The following ANK2 variants were observed in gnomAD, a reference collection of about 807,000 sequenced individuals.
ANK2 encodes the protein ankyrin 2.
In ANK2, 83 loss-of-function variants were observed where a neutral mutation model predicts 360.5. The observed-to-expected ratio is 0.23, with a 90% CI of 0.19 to 0.28. The LOEUF is 0.28. ANK2 is among the 10% of genes least tolerant of loss of function. The pLI is 1.00. For synonymous variants in ANK2, 1,740 were observed against 1,759.5 expected (o/e 0.99, Z 0.28); for missense variants, 4,201 against 4,795.7 (o/e 0.88, Z 3.66).
rs554153174 is a variant in ANK2, at chr4:113,293,484, C to T, written c.2421C>T (p.Ile807=). 1.6e-5 allele frequency: 26 copies of T among 1,613,902 alleles called. No individual in the cohort carries two copies. The South Asian group carries it at 2.5e-4, about 16-fold the overall frequency. The change falls in exon 22 of 46, where the codon ATC becomes ATT. Residue 807 remains isoleucine (I), a synonymous_variant. Transcript: ENST00000357077. ...ALAIAKRLGY[I]SVVDTLKVVT... ...CGATTGCTAAGCGTCTGGGCTACAT[C>T]TCCGTGGTCGACACCCTGAAGGTTG...
In ANK2 at chr4:113,240,598, A is replaced by G. The variant is rs375914552; in HGVS notation, c.792+15A>G. 289 of 1,586,402 alleles carry G rather than the reference A, an allele frequency of 1.8e-4. 1 individual carries two copies. In the Middle Eastern group the frequency reaches 3.5e-3, roughly 19 times the overall value. On this transcript the variant is annotated intron_variant, in intron 8 of 45. Transcript: ENST00000357077. Reference sequence around the variant, plus strand: ...TCACAGCCAGGGTATGGATTGAAATAGTTTCTCATTCTAGATAGCAGTAAA... The same window carrying G: ...TCACAGCCAGGGTATGGATTGAAATGGTTTCTCATTCTAGATAGCAGTAAA...
chr4:113,151,925 G>T (rs1173668259), intron 1 of ANK2, among the ~76,000 whole-genome samples: 1 of 150,312 alleles, frequency 6.7e-6, no homozygotes, highest in African/African-American at 2.4e-5. Flanking sequence ...AAAATTACTA[G>T]GTGTGCTGGC....
rs142601860 is a variant in ANK2 at position 113,153,169 on chromosome 4, G to A, written c.85-21247G>A. 5.2e-3 allele frequency among the ~76,000 whole-genome samples: 789 copies of A among 151,652 alleles called. 7 individuals carry two copies. Among genetic ancestry groups the A allele is most frequent in the African/African-American group, 0.018 (728 of 41,304 alleles). Reference sequence around the variant, plus strand: ...GGCTTTGAAGTAAATCATAGATTCTGTTTGATACTGTAGGAATTTCCATAT... The same window carrying A: ...GGCTTTGAAGTAAATCATAGATTCTATTTGATACTGTAGGAATTTCCATAT... On this transcript the variant is annotated intron_variant, in intron 1 of 45. Coordinates refer to ENST00000357077, the MANE Select transcript of ANK2 (RefSeq NM_001148.6).
chr4:112,787,620 T>C, the ANK2 span, among the ~76,000 whole-genome samples: 1 of 152,334 alleles, frequency 6.6e-6, no homozygotes, highest in African/African-American at 2.4e-5. Flanking sequence ...GTCCACTCCA[T>C]GGGTCAAGAC....
intron 2 of ANK2, among the ~76,000 whole-genome samples, chr4:113,035,101 T>C (rs1434269134): frequency 6.6e-6 from 1 of 151,758 alleles, no homozygotes; most frequent in Non-Finnish European, 1.5e-5. Flanking sequence ...TATGAGTCTG[T>C]GGAAGAAATA....
At chr4:113,255,655 G>A (rs1196432599) in intron 10 of ANK2, 80 bp from the exon 11 acceptor site, 6 of 1,456,064 alleles carry the variant, frequency 4.1e-6, no homozygotes, top group Non-Finnish European at 5.7e-6. Flanking sequence ...TAGAGATCAA[G>A]AATCAACTTT....
upstream of ANK2, among the ~76,000 whole-genome samples, chr4:112,813,384 A>G (rs1377503822): frequency 2.0e-5 from 3 of 152,178 alleles, no homozygotes. Context: ...AATGAAGCTC[A>G]ACAGAATAAA....
chr4:112,920,913 A>T (rs1348019441), intron 2 of ANK2, among the ~76,000 whole-genome samples: 1 of 152,142 alleles, frequency 6.6e-6, no homozygotes. Context: ...GTTAACCCTA[A>T]ATTAAAGCTG....
At position 113,174,527 on chromosome 4, in the gene ANK2, T is replaced by C; in HGVS notation, c.186+10T>C. ...CAATACCTGCAATCAGGTAAGAACA[T>C]GGCAGCTAGCTCTGTGTTGTGCAAC... On this transcript the variant is annotated intron_variant, in intron 2 of 45. Transcript: ENST00000357077. 6.4e-7 allele frequency: 1 copy of C among 1,574,426 alleles called. No homozygotes were observed. The highest frequency in any genetic ancestry group is 8.7e-7 in the Non-Finnish European group (1 of 1,145,832).
intron 10 of ANK2, among the ~76,000 whole-genome samples, chr4:113,252,647 A>G (rs1246375316): frequency 6.6e-6 from 1 of 152,024 alleles, no homozygotes; most frequent in African/African-American, 2.4e-5. Context: ...TCAGAACCCC[A>G]ATTCCGAAAT....
At chr4:113,213,852 G>A (rs1362686043) in intron 4 of ANK2, among the ~76,000 whole-genome samples, 2 of 151,724 alleles carry the variant, frequency 1.3e-5, no homozygotes, top group Admixed American at 1.3e-4. Context: ...TCCTGTTTGC[G>A]ATACTATTTG....
the ANK2 span, among the ~76,000 whole-genome samples, chr4:112,764,954 C>T: frequency 3.3e-5 from 5 of 152,036 alleles, no homozygotes; most frequent in Non-Finnish European, 5.9e-5. Flanking sequence ...GATCCACCCA[C>T]CTTGGCCTCC....
At chr4:113,332,161 C>T (rs2092615784) in intron 28 of ANK2, 91 bp downstream of exon 28, 2 of 1,109,472 alleles carry the variant, frequency 1.8e-6, no homozygotes, top group Admixed American at 1.7e-5. Flanking sequence ...TCATTGTGCC[C>T]ATGACATGTC....
upstream of ANK2, among the ~76,000 whole-genome samples, chr4:112,817,955 G>A (rs1198742234): frequency 6.6e-6 from 1 of 152,176 alleles, no homozygotes; most frequent in Non-Finnish European, 1.5e-5. Context: ...TGTACCACCT[G>A]CTTAAATGCA....
intron 1 of ANK2, among the ~76,000 whole-genome samples, chr4:113,054,044 A>T (rs1185061168): frequency 1.3e-5 from 2 of 152,196 alleles, no homozygotes; most frequent in Non-Finnish European, 1.5e-5. Flanking sequence ...AATTTACATA[A>T]TTGGAAATGG....
rs1391137370 is a variant in ANK2 at position 112,908,458 on chromosome 4, G to C, written c.21+3944G>C. ...CAGACAGCTAGGATAAGATGTAGTT[G>C]AGACTGGAGAGACATAGCAAGAAAA... is the stretch of plus-strand genomic sequence containing the variant. On this transcript the variant is annotated intron_variant, in intron 2 of 30. Transcript: ENST00000503271. Among the ~76,000 whole-genome samples, 3 of 152,186 alleles carry C rather than the reference G, an allele frequency of 2.0e-5. No homozygotes were observed. The East Asian group carries it at 5.8e-4, about 29-fold the overall frequency.
chr4:113,120,672 C>G (rs1409489953), intron 1 of ANK2, among the ~76,000 whole-genome samples: 2 of 151,988 alleles, frequency 1.3e-5, no homozygotes, highest in Non-Finnish European at 2.9e-5. Flanking sequence ...AAATGTGTAT[C>G]ATGGGGGTTT....
intron 24 of ANK2, among the ~76,000 whole-genome samples, chr4:113,316,678 C>T (rs1294989671): frequency 6.6e-6 from 1 of 152,050 alleles, no homozygotes; most frequent in Non-Finnish European, 1.5e-5. Context: ...ATCTTTAATA[C>T]TTGAGCTACA....
At chr4:112,706,877 A>G in the ANK2 span, 1 of 152,210 alleles carries the variant, frequency 6.6e-6, no homozygotes, top group Non-Finnish European at 1.5e-5. Context: ...GACTGTTTGA[A>G]TAAGCCCTGT....
Sources: gnomAD v4.1 joint callset for allele counts (sites outside exome capture counted in the v4.1 genomes callset) on GRCh38, gnomAD v4.1.1 for gene constraint, MANE v1.5 for transcripts, NCBI Gene and HGNC (gene_info 2026-07-23, HGNC 2026-07-21) for gene names.